Variants in SLC35F3 observed in about 807,000 individuals in gnomAD.
SLC35F3 encodes putative thiamine transporter SLC35F3.
A neutral mutation model predicts 49.9 loss-of-function variants in SLC35F3; 25 were observed. The observed-to-expected ratio is 0.50, with a 90% CI of 0.37 to 0.70. The LOEUF (loss-of-function observed/expected upper bound fraction) is 0.70, where lower values mean the gene tolerates loss of function less well. Ranked by LOEUF, SLC35F3 falls within the 30% of genes least tolerant of loss-of-function variation. The probability of loss-of-function intolerance (pLI) is 0.00; values close to 1 mark genes in which losing one functional copy is unlikely to be tolerated. For synonymous variants in SLC35F3, 275 were observed against 265.4 expected (o/e 1.04, Z -0.35); for missense variants, 525 against 639.8 (o/e 0.82, Z 1.94).
chr1:234,085,221 AAGGTAAT>A (rs1030949407), intron 2 of SLC35F3, among the ~76,000 whole-genome samples: 16 of 152,326 alleles, frequency 1.1e-4, no homozygotes, highest in South Asian at 6.2e-4. Flanking sequence ...AGCTGGGTCC[AAGGTAAT>A]TGTTAGCTTC....
intron 7 of SLC35F3, among the ~76,000 whole-genome samples, chr1:234,322,108 C>T (rs915976788): frequency 2.0e-5 from 3 of 151,572 alleles, no homozygotes; most frequent in Non-Finnish European, 4.4e-5. Context: ...ATGGGAGAAT[C>T]GCTTGAGCCC....
chr1:234,071,834 C>A (rs1327837207), intron 2 of SLC35F3, among the ~76,000 whole-genome samples: 2 of 152,194 alleles, frequency 1.3e-5, no homozygotes, highest in Non-Finnish European at 2.9e-5. Flanking sequence ...ACCCTTTCTA[C>A]TCCCCAAATT....
intron 2 of SLC35F3, among the ~76,000 whole-genome samples, chr1:233,942,182 C>T (rs866672175): frequency 1.2e-4 from 18 of 151,776 alleles, no homozygotes; most frequent in Non-Finnish European, 2.1e-4. Context: ...AGGCTGGTCT[C>T]GAACTCCTGA....
chr1:234,011,298 G>A (rs1663717129), intron 2 of SLC35F3, among the ~76,000 whole-genome samples: 1 of 152,100 alleles, frequency 6.6e-6, no homozygotes, highest in African/African-American at 2.4e-5. Flanking sequence ...CCAACATGCA[G>A]TTCAAAAATA....
chr1:234,320,002 A>G lies in SLC35F3; in HGVS notation c.1148-96A>G. On this transcript the variant is annotated intron_variant, in intron 6 of 7. Transcript: ENST00000366618. The surrounding 1 kb of genome is among the most constrained non-coding windows in gnomAD (Gnocchi z 4.8). Reference sequence around the variant, plus strand: ...GGGTCATTGTAACTCCTATGACTCCAGCCTCATCAGGAAAACCTGGGTCAG... The same window carrying G: ...GGGTCATTGTAACTCCTATGACTCCGGCCTCATCAGGAAAACCTGGGTCAG... 2 of 804,774 alleles carry G rather than the reference A, an allele frequency of 2.5e-6. No homozygotes were observed. Among genetic ancestry groups the G allele is most frequent in the Non-Finnish European group, 2.2e-6 (1 of 461,754 alleles). 49.9% of individuals were successfully genotyped at this position (804,774 alleles called of 1,614,324 possible). A position where few individuals can be genotyped will look rare whatever the true frequency, so the allele number is the denominator to read the frequency against.
chr1:234,205,828 C>T (rs1393517363), intron 2 of SLC35F3, among the ~76,000 whole-genome samples: 1 of 152,166 alleles, frequency 6.6e-6, no homozygotes, highest in Non-Finnish European at 1.5e-5. Flanking sequence ...CAGGGGCCTC[C>T]CCCTGCCTGA....
intron 2 of SLC35F3, among the ~76,000 whole-genome samples, chr1:234,203,909 T>C (rs187840294): frequency 3.0e-4 from 45 of 152,312 alleles, no homozygotes; most frequent in African/African-American, 1.1e-3. Context: ...GTATAGATAA[T>C]ATGTAGCTAA....
chr1:234,261,943 T>TG (rs1321813108), intron 3 of SLC35F3: 1 of 152,272 alleles, frequency 6.6e-6, no homozygotes, highest in Non-Finnish European at 1.5e-5. Flanking sequence ...GGTTTGCAGA[T>TG]GAGAAATCCT....
intron 2 of SLC35F3, among the ~76,000 whole-genome samples, chr1:234,126,936 A>G (rs573738740): frequency 1.3e-5 from 2 of 152,310 alleles, no homozygotes; most frequent in African/African-American, 4.8e-5. Context: ...ACCTCAAGCA[A>G]TCCTCCTACC....
rs74147546 is a variant in SLC35F3 at position 234,179,082 on chromosome 1, G to C, written c.284-52335G>C. On this transcript the variant is annotated intron_variant, in intron 2 of 7. Transcript: ENST00000366618. ...GCAGCCCCAGGTGTTCCATCTCCAGGCCCCACATTCCCTCCACTGAGCCTC... is the reference window on the plus strand; with the variant it reads ...GCAGCCCCAGGTGTTCCATCTCCAGCCCCCACATTCCCTCCACTGAGCCTC... Among the ~76,000 whole-genome samples the C allele has an allele frequency of 8.6e-3, 1,311 of 152,192 alleles. 17 individuals are homozygous for C. Among genetic ancestry groups the C allele is most frequent in the African/African-American group, 0.031 (1,276 of 41,510 alleles).
intron 2 of SLC35F3, among the ~76,000 whole-genome samples, chr1:234,089,729 G>A (rs1665012656): frequency 6.6e-6 from 1 of 152,172 alleles, no homozygotes; most frequent in African/African-American, 2.4e-5. Flanking sequence ...GGTAGGAGGA[G>A]AGGCAGTTCG....
intron 3 of SLC35F3, among the ~76,000 whole-genome samples, chr1:234,245,859 A>G (rs1667623820): frequency 6.6e-6 from 1 of 152,214 alleles, no homozygotes; most frequent in Non-Finnish European, 1.5e-5. Flanking sequence ...CCCCAGAGGG[A>G]TCAGTGGACA....
At position 234,164,715 on chromosome 1, in the gene SLC35F3, G is replaced by GGT. The variant is rs566274155; in HGVS notation, c.284-66702_284-66701insGT. On this transcript the variant is annotated intron_variant, in intron 2 of 7. Transcript: ENST00000366618. ...GTCCTCCCATGTGAATGAGACATCAGAGCAATTTACCATGGCACTCTGTAA... is the reference window on the plus strand; with the variant it reads ...GTCCTCCCATGTGAATGAGACATCAGGTAGCAATTTACCATGGCACTCTGTAA... Among the ~76,000 whole-genome samples the GGT allele has an allele frequency of 7.6e-3, 1,153 of 152,144 alleles. 20 individuals carry two copies. Among genetic ancestry groups the GGT allele is most frequent in the African/African-American group, 0.025 (1,041 of 41,516 alleles).
chr1:234,217,338 G>A (rs1462124401), intron 2 of SLC35F3, among the ~76,000 whole-genome samples: 1 of 152,212 alleles, frequency 6.6e-6, no homozygotes, highest in East Asian at 1.9e-4. Flanking sequence ...TGTGTCCTGT[G>A]ACAATTTAGC....
At chr1:233,933,149 A>G (rs546852542) in intron 2 of SLC35F3, among the ~76,000 whole-genome samples, 2 of 152,226 alleles carry the variant, frequency 1.3e-5, no homozygotes, top group Non-Finnish European at 2.9e-5. Flanking sequence ...AAAAGATGAC[A>G]AAGGAGGCAG....
chr1:234,185,369 T>C (rs1558253539), intron 2 of SLC35F3, among the ~76,000 whole-genome samples: 1 of 152,232 alleles, frequency 6.6e-6, no homozygotes, highest in Non-Finnish European at 1.5e-5. Flanking sequence ...TGCTGGACTC[T>C]TCACTACGAG....
At chr1:234,133,180 C>G (rs996960127) in intron 2 of SLC35F3, among the ~76,000 whole-genome samples, 8 of 152,088 alleles carry the variant, frequency 5.3e-5, no homozygotes, top group African/African-American at 1.9e-4. Flanking sequence ...CAGCAAATTT[C>G]TCTTTCATTT....
intron 2 of SLC35F3, among the ~76,000 whole-genome samples, chr1:233,926,238 G>T (rs187709620): frequency 1.3e-5 from 2 of 152,044 alleles, no homozygotes; most frequent in Non-Finnish European, 2.9e-5. Flanking sequence ...TTTCCAACTC[G>T]GTTCCATTCT....
intron 2 of SLC35F3, among the ~76,000 whole-genome samples, chr1:233,953,567 T>G (rs1662644973): frequency 6.6e-6 from 1 of 152,174 alleles, no homozygotes; most frequent in South Asian, 2.1e-4. Context: ...CCGTCATAGC[T>G]CTGTTGGCAC....
Sources: allele counts gnomAD v4.1 joint callset (sites outside exome capture counted in the v4.1 genomes callset), GRCh38; gene constraint gnomAD v4.1.1; non-coding constraint Gnocchi (gnomAD v3.1); transcripts MANE v1.5; gene names NCBI Gene and HGNC (gene_info 2026-07-23, HGNC 2026-07-21).